RFX3: variants seen among roughly 807,000 people sequenced by gnomAD.
The protein encoded by RFX3 is regulatory factor X3, also known as transcription factor RFX3.
In RFX3, 14 loss-of-function variants were observed where a neutral mutation model predicts 98.6. The ratio of observed to expected loss-of-function variants is 0.14; its 90% CI spans 0.09 to 0.22. The LOEUF is 0.22. Among genes scored for constraint, RFX3 ranks in the 10% least tolerant of loss-of-function variants. The pLI is 1.00. For missense variants in RFX3, 639 were observed against 926.9 expected (o/e 0.69, Z 4.03); for synonymous variants, 383 against 328.4 (o/e 1.17, Z -1.80).
At chr9:3,245,850 C>A (rs778129786) in intron 15 of RFX3, among the ~76,000 whole-genome samples, 1 of 152,094 alleles carries the variant, frequency 6.6e-6, no homozygotes, top group African/African-American at 2.4e-5. Context: ...GTTACTCCCA[C>A]TATGTACACA....
At chr9:3,448,333 G>A (rs574443640) in intron 1 of RFX3, among the ~76,000 whole-genome samples, 1 of 152,180 alleles carries the variant, frequency 6.6e-6, no homozygotes, top group South Asian at 2.1e-4. Context: ...AGTTGGTAGG[G>A]ATTTTGACAA....
At chr9:3,309,604 A>G (rs1354159897) in intron 4 of RFX3, among the ~76,000 whole-genome samples, 2 of 152,120 alleles carry the variant, frequency 1.3e-5, no homozygotes, top group Non-Finnish European at 2.9e-5. Flanking sequence ...AGAGGGTCAA[A>G]TGATGTCCAA....
rs1004483716 is a variant in RFX3, at chr9:3,430,695, C to G, written c.-8-35099G>C. Among the ~76,000 whole-genome samples the G allele has an allele frequency of 2.0e-5, 3 of 151,852 alleles. No homozygotes were observed. In the East Asian group the frequency reaches 5.8e-4, roughly 29 times the overall value. On this transcript the variant is annotated intron_variant, in intron 1 of 16. Transcript: ENST00000617270. Reference sequence around the variant, plus strand: ...ATATCAGACTTCAATGTAATGTTGACCCTTGAAGAACACAGCTTTAAACTG... The same window carrying G: ...ATATCAGACTTCAATGTAATGTTGAGCCTTGAAGAACACAGCTTTAAACTG...
chr9:3,385,562 G>C (rs1839620019), intron 2 of RFX3, among the ~76,000 whole-genome samples: 1 of 151,694 alleles, frequency 6.6e-6, no homozygotes, highest in African/African-American at 2.4e-5. Flanking sequence ...ACAAAATTTA[G>C]CTTGGCATGG....
intron 4 of RFX3, among the ~76,000 whole-genome samples, chr9:3,311,951 G>A (rs1012535018): frequency 4.6e-5 from 7 of 152,018 alleles, no homozygotes; most frequent in Non-Finnish European, 7.4e-5. Flanking sequence ...TCTGTCCCCA[G>A]GCCTTTCATA....
intron 1 of RFX3, among the ~76,000 whole-genome samples, chr9:3,397,910 C>A (rs1841062526): frequency 1.3e-5 from 2 of 152,100 alleles, no homozygotes; most frequent in Admixed American, 6.6e-5. Flanking sequence ...AAATGAGGAA[C>A]CTCAGGCACA....
At chr9:3,516,770 T>C (rs149502285) in intron 1 of RFX3, among the ~76,000 whole-genome samples, 221 of 152,204 alleles carry the variant, frequency 1.5e-3, no homozygotes, top group African/African-American at 5.0e-3. Flanking sequence ...ATCCACATAC[T>C]CGGGAAATTA....
At position 3,435,893 on chromosome 9, in the gene RFX3, T is replaced by C. The variant is rs1195792218; in HGVS notation, c.-8-40297A>G. ...ATTTGTACTTCATGATGCTGCTCTC[T>C]CAACAATAACTAATTAGATCAAGAG... On this transcript the variant is annotated intron_variant, in intron 1 of 16. Transcript: ENST00000617270. Among the ~76,000 whole-genome samples the C allele has an allele frequency of 2.0e-5, 3 of 150,952 alleles. No individual in the cohort carries two copies. The East Asian group carries it at 5.9e-4, about 30-fold the overall frequency.
At chr9:3,440,344 G>C (rs898792360) in intron 1 of RFX3, among the ~76,000 whole-genome samples, 18 of 152,086 alleles carry the variant, frequency 1.2e-4, no homozygotes, top group African/African-American at 4.3e-4. Context: ...CATCTAGACA[G>C]AAAGTTAGCA....
intron 1 of RFX3, among the ~76,000 whole-genome samples, chr9:3,471,283 T>A (rs1270936396): frequency 6.6e-6 from 1 of 152,200 alleles, no homozygotes; most frequent in Admixed American, 6.5e-5. Context: ...AGAACAACCC[T>A]GCAATAAAAT....
At chr9:3,298,484 C>T (rs1359592889) in intron 5 of RFX3, among the ~76,000 whole-genome samples, 1 of 151,798 alleles carries the variant, frequency 6.6e-6, no homozygotes, top group East Asian at 1.9e-4. Flanking sequence ...TTTATTCATT[C>T]AGCAAATATT....
At chr9:3,361,009 T>A (rs1025191969) in intron 2 of RFX3, among the ~76,000 whole-genome samples, 3 of 152,212 alleles carry the variant, frequency 2.0e-5, no homozygotes, top group African/African-American at 7.2e-5. Context: ...CTTACACATT[T>A]GGTTGGCACC....
chr9:3,397,129 A>G (rs1449496161), intron 1 of RFX3, among the ~76,000 whole-genome samples: 1 of 152,208 alleles, frequency 6.6e-6, no homozygotes, highest in Non-Finnish European at 1.5e-5. Flanking sequence ...ACAATTAAAC[A>G]TGCCACGTTT....
intron 1 of RFX3, among the ~76,000 whole-genome samples, chr9:3,440,902 A>C (rs1280740342): frequency 2.0e-5 from 3 of 152,232 alleles, no homozygotes; most frequent in Non-Finnish European, 4.4e-5. Flanking sequence ...CACCAATGAA[A>C]TGGAATACAG....
At chr9:3,513,814 TC>T (rs1191155592) in intron 1 of RFX3, among the ~76,000 whole-genome samples, 2 of 152,140 alleles carry the variant, frequency 1.3e-5, no homozygotes, top group Non-Finnish European at 2.9e-5. Context: ...CTTTCCAAGT[TC>T]CAAGATAAAA....
chr9:3,478,409 C>A (rs987952830), intron 1 of RFX3, among the ~76,000 whole-genome samples: 2 of 127,850 alleles, frequency 1.6e-5, no homozygotes, highest in African/African-American at 5.6e-5. Context: ...TCTGCTAGAA[C>A]TTTTTTTTTT....
At chr9:3,439,002 A>G (rs1845397067) in intron 1 of RFX3, among the ~76,000 whole-genome samples, 2 of 152,036 alleles carry the variant, frequency 1.3e-5, no homozygotes, top group Non-Finnish European at 2.9e-5. Context: ...CTGAATTAGA[A>G]AACAGTAACA....
intron 1 of RFX3, among the ~76,000 whole-genome samples, chr9:3,414,225 T>G (rs1052879449): frequency 1.3e-5 from 2 of 152,146 alleles, no homozygotes; most frequent in Non-Finnish European, 2.9e-5. Flanking sequence ...GCTATGCTCC[T>G]GCCATATTCC....
At chr9:3,252,655 T>C (rs558454234) in intron 14 of RFX3, among the ~76,000 whole-genome samples, 77 of 152,270 alleles carry the variant, frequency 5.1e-4, no homozygotes, top group African/African-American at 1.8e-3. Context: ...TGGATGACTC[T>C]AGTGGCTGGA....
Sources: allele counts gnomAD v4.1 joint callset (sites outside exome capture counted in the v4.1 genomes callset), GRCh38; gene constraint gnomAD v4.1.1; transcripts MANE v1.5; gene names NCBI Gene and HGNC (gene_info 2026-07-23, HGNC 2026-07-21).